Variants in PEBP4 observed in about 807,000 individuals in gnomAD.
The protein encoded by PEBP4 is phosphatidylethanolamine-binding protein 4.
Under a neutral mutation model 23.9 loss-of-function variants are expected in PEBP4, and 22 were observed. The ratio of observed to expected loss-of-function variants is 0.92; its 90% CI spans 0.66 to 1.31. PEBP4 has a LOEUF of 1.31. Ranked by LOEUF, PEBP4 falls within the 40% of genes most tolerant of loss-of-function variation. PEBP4 has a pLI of 0.00. For synonymous variants in PEBP4, 112 were observed against 99.3 expected, an observed-to-expected ratio of 1.13 and a Z score of -0.76; for missense variants, 324 against 281.7, an observed-to-expected ratio of 1.15 and a Z score of -1.07.
chr8:22,885,159 C>T (rs750823490), intron 3 of PEBP4: 7 of 152,164 alleles, frequency 4.6e-5, no homozygotes, highest in Non-Finnish European at 8.8e-5. Context: ...AGATGAACAC[C>T]GTCCTTGCTT....
At chr8:22,833,647 G>C (rs917481618) in intron 3 of PEBP4, among the ~76,000 whole-genome samples, 2 of 152,176 alleles carry the variant, frequency 1.3e-5, no homozygotes, top group Non-Finnish European at 2.9e-5. Context: ...ACTGTCTCCA[G>C]CACTCTCTTG....
At position 22,854,832 on chromosome 8, in the gene PEBP4, T is replaced by G. The variant is rs766612031; in HGVS notation, c.259-37097A>C. ...CATATCTTCTCCTGACTCTTTCTAC[T>G]GAAGGTTTTATTTGCTCCCTCCCCC... On this transcript the variant is annotated intron_variant, in intron 3 of 6. Transcript: ENST00000256404. 9.9e-5 allele frequency among the ~76,000 whole-genome samples: 15 copies of G among 152,130 alleles called. 1 individual carries two copies. Among genetic ancestry groups the G allele is most frequent in the Non-Finnish European group, 1.5e-4 (10 of 68,022 alleles).
At chr8:22,892,838 C>G (rs774790185) in intron 3 of PEBP4, among the ~76,000 whole-genome samples, 1 of 152,184 alleles carries the variant, frequency 6.6e-6, no homozygotes, top group Non-Finnish European at 1.5e-5. Flanking sequence ...GAAGGTCTTA[C>G]AATCACCCCA....
intron 3 of PEBP4, among the ~76,000 whole-genome samples, chr8:22,847,016 T>TA (rs545702477): frequency 1.5e-4 from 23 of 150,212 alleles, no homozygotes; most frequent in Middle Eastern, 3.4e-3. Context: ...TTTTAAAAAA[T>TA]AAAAAAAAAG....
rs551556739 is a variant in PEBP4, at chr8:22,920,263, A to G, written c.179T>C (p.Val60Ala). The G allele has an allele frequency of 1.6e-5, 26 of 1,613,538 alleles. No individual in the cohort carries two copies. In the African/African-American group the frequency reaches 3.1e-4, roughly 19 times the overall value. The change falls in exon 3 of 7, where the codon GTT becomes GCT. Residue 60 changes from valine (V) to alanine (A), a missense_variant. Physicochemically the swap from Val to Ala is moderately conservative, Grantham distance 64. Transcript: ENST00000256404. ...TCTGTAGTTGTTACAATCAGGAACAACCTTGCAGCCAATGTTCCCCAACTC... is the reference window on the plus strand; with the variant it reads ...TCTGTAGTTGTTACAATCAGGAACAGCCTTGCAGCCAATGTTCCCCAACTC... ...YPELGNIGCK[V>A]VPDCNNYRQK...
chr8:22,758,626 G>A (rs369320206), intron 4 of PEBP4, among the ~76,000 whole-genome samples: 8 of 152,270 alleles, frequency 5.3e-5, no homozygotes, highest in East Asian at 1.9e-4. Flanking sequence ...GGCCTGCCCC[G>A]GAGTTAGTTT....
intron 4 of PEBP4, among the ~76,000 whole-genome samples, chr8:22,770,818 G>A (rs745505754): frequency 6.6e-5 from 10 of 152,102 alleles, no homozygotes; most frequent in Non-Finnish European, 1.0e-4. Context: ...CCACGCATCC[G>A]CTCAACATGT....
chr8:22,753,530 T>C (rs755465158), intron 4 of PEBP4, among the ~76,000 whole-genome samples: 4 of 152,212 alleles, frequency 2.6e-5, no homozygotes, highest in Admixed American at 6.5e-5. Context: ...ATCAGTGATA[T>C]TGGCGTGTTT....
At chr8:22,929,418 C>T (rs1323177784), upstream of PEBP4, among the ~76,000 whole-genome samples, 4 of 152,190 alleles carry the variant, frequency 2.6e-5, no homozygotes, top group Non-Finnish European at 5.9e-5. Context: ...GGTGTCAACT[C>T]CTTTAGCACA....
chr8:22,742,358 A>G (rs566311410), intron 4 of PEBP4, among the ~76,000 whole-genome samples: 78 of 152,302 alleles, frequency 5.1e-4, no homozygotes, highest in African/African-American at 1.6e-3. Flanking sequence ...GGTGGGCTCC[A>G]ACCTATTACC....
At chr8:22,851,803 A>G (rs1291267290) in intron 3 of PEBP4, among the ~76,000 whole-genome samples, 1 of 151,968 alleles carries the variant, frequency 6.6e-6, no homozygotes, top group Non-Finnish European at 1.5e-5. Flanking sequence ...TCTCGGTGCA[A>G]AGAGACAGCC....
At chr8:22,741,457 C>T (rs956072675) in intron 4 of PEBP4, among the ~76,000 whole-genome samples, 3 of 152,164 alleles carry the variant, frequency 2.0e-5, no homozygotes, top group Non-Finnish European at 4.4e-5. Flanking sequence ...AATGCCAATC[C>T]GGGAAGTTTG....
At chr8:22,925,195 G>A (rs1043757860) in intron 2 of PEBP4, 48 of 985,274 alleles carry the variant, frequency 4.9e-5, no homozygotes, top group Middle Eastern at 5.2e-4. Context: ...CCTCTTTTGC[G>A]ATGATGGCTT....
chr8:22,718,249 C>G (rs1203106356), intron 6 of PEBP4, among the ~76,000 whole-genome samples: 1 of 152,124 alleles, frequency 6.6e-6, no homozygotes, highest in East Asian at 1.9e-4. Context: ...TCTAATTATC[C>G]AGCCAGTGCA....
In PEBP4 at chr8:22,791,361, T is replaced by C. The variant is rs1220265394; in HGVS notation, c.357+26276A>G. Among the ~76,000 whole-genome samples, 3 of 152,184 alleles carry C rather than the reference T, an allele frequency of 2.0e-5. No homozygotes were observed. In the East Asian group the frequency reaches 5.8e-4, roughly 29 times the overall value. On this transcript the variant is annotated intron_variant, in intron 4 of 6. Coordinates refer to ENST00000256404, the MANE Select transcript of PEBP4 (RefSeq NM_144962.3). Reference sequence around the variant, plus strand: ...CGTACAAATAAAGCAAATTCATATCTGCTCATTGCCATCCTGTCCTCATGC... The same window carrying C: ...CGTACAAATAAAGCAAATTCATATCCGCTCATTGCCATCCTGTCCTCATGC...
intron 4 of PEBP4, among the ~76,000 whole-genome samples, chr8:22,793,950 T>C (rs6997408): frequency 0.6 from 90,527 of 151,990 alleles, 27,075 homozygotes; most frequent in South Asian, 0.71. Context: ...GATGACATTT[T>C]ATTTATTTAT....
chr8:22,817,899 GT>G (rs1370289174), intron 3 of PEBP4, among the ~76,000 whole-genome samples, 164 bp from the exon 4 acceptor site: 1 of 152,152 alleles, frequency 6.6e-6, no homozygotes, highest in East Asian at 1.9e-4. Flanking sequence ...CTCACATCAC[GT>G]TTATTCTCAG....
At chr8:22,869,244 G>C (rs1273452131) in intron 3 of PEBP4, among the ~76,000 whole-genome samples, 2 of 152,144 alleles carry the variant, frequency 1.3e-5, no homozygotes, top group Non-Finnish European at 2.9e-5. Flanking sequence ...AGTGCCTCTT[G>C]TCTCCCTTGT....
At chr8:22,824,191 G>T (rs1806920409) in intron 3 of PEBP4, among the ~76,000 whole-genome samples, 1 of 152,068 alleles carries the variant, frequency 6.6e-6, no homozygotes, top group African/African-American at 2.4e-5. Flanking sequence ...TTTCTTCTTT[G>T]TAGTTTTTTG....
Sources: allele counts gnomAD v4.1 joint callset (sites outside exome capture counted in the v4.1 genomes callset), GRCh38; gene constraint gnomAD v4.1.1; transcripts MANE v1.5; gene names NCBI Gene and HGNC (gene_info 2026-07-23, HGNC 2026-07-21).